THSD4: variants seen among roughly 807,000 people sequenced by gnomAD.
THSD4 encodes thrombospondin type 1 domain containing 4, also known as thrombospondin type-1 domain-containing protein 4.
THSD4 carries 69 observed loss-of-function variants against 119.0 expected under a neutral mutation model. The observed-to-expected ratio is 0.58, with a 90% confidence interval of 0.48 to 0.71. THSD4 has a LOEUF of 0.71. Ranked by LOEUF, THSD4 falls within the 30% of genes least tolerant of loss-of-function variation. The pLI, the probability that THSD4 is intolerant of heterozygous loss-of-function variation, is 0.00. For missense variants in THSD4, 1,393 were observed against 1,391.1 expected (o/e 1.00, Z -0.02); for synonymous variants, 524 against 540.4 (o/e 0.97, Z 0.42).
At chr15:71,473,713 GT>G (rs1436317719) in intron 7 of THSD4, among the ~76,000 whole-genome samples, 1 of 152,102 alleles carries the variant, frequency 6.6e-6, no homozygotes, top group Admixed American at 6.5e-5. Flanking sequence ...CTGTTTTGGG[GT>G]GCTGTTGAAA....
At chr15:71,313,912 C>T (rs1386168674) in intron 6 of THSD4, among the ~76,000 whole-genome samples, 2 of 152,178 alleles carry the variant, frequency 1.3e-5, no homozygotes, top group Admixed American at 1.3e-4. Context: ...AGCATGGGCT[C>T]CTACTAACAA....
intron 7 of THSD4, among the ~76,000 whole-genome samples, chr15:71,612,615 C>G (rs1233054449): frequency 1.3e-5 from 2 of 152,158 alleles, no homozygotes; most frequent in Non-Finnish European, 2.9e-5. Flanking sequence ...GCTGCTTAAA[C>G]TTTTGACACA....
At position 71,442,667 on chromosome 15, in the gene THSD4, T is replaced by TATATAC. The variant is rs1376927827; in HGVS notation, c.1152+30849_1152+30850insCATATA. Reference sequence around the variant, plus strand: ...ATATGTGTGTGTGTGTGTGTATATATATATATATATATATATATATATATA... The same window carrying TATATAC: ...ATATGTGTGTGTGTGTGTGTATATATATATACATATATATATATATATATATATATA... On this transcript the variant is annotated intron_variant, in intron 7 of 17. Coordinates refer to ENST00000261862, the MANE Select transcript of THSD4 (RefSeq NM_024817.3). 1.8e-4 allele frequency among the ~76,000 whole-genome samples: 15 copies of TATATAC among 82,336 alleles called. 1 individual carries two copies. The highest frequency in any genetic ancestry group is 6.7e-4 in the African/African-American group (15 of 22,312). The allele number at this position is 82,336 out of a possible 152,430, so 54.0% of individuals were successfully genotyped here.
intron 6 of THSD4, among the ~76,000 whole-genome samples, chr15:71,336,304 C>G (rs1164141356): frequency 1.3e-5 from 2 of 152,172 alleles, no homozygotes; most frequent in African/African-American, 2.4e-5. Context: ...CATTAATACC[C>G]TTTATTATGA....
intron 7 of THSD4, among the ~76,000 whole-genome samples, chr15:71,589,191 C>T (rs1225797875): frequency 6.6e-6 from 1 of 151,952 alleles, no homozygotes; most frequent in Non-Finnish European, 1.5e-5. Flanking sequence ...GGATTTTGAC[C>T]AGCATGTAAA....
rs189441414 is a variant in THSD4 at position 71,103,989 on chromosome 15, T to C, written c.-80+6983T>C. Among the ~76,000 whole-genome samples, 561 of 152,312 alleles carry C rather than the reference T, an allele frequency of 3.7e-3. 4 individuals carry two copies. The highest frequency in any genetic ancestry group is 6.8e-3 in the Non-Finnish European group (462 of 68,022). ...GATTTAGTGGGACTTTGAATTCTGG[T>C]CTTCTTCCCAAAGCCACCTGCTATG... is the stretch of plus-strand genomic sequence containing the variant. On this transcript the variant is annotated intron_variant, in intron 1 of 17. Coordinates refer to the THSD4 transcript ENST00000355327.
At chr15:71,156,665 C>T (rs28645452) in intron 3 of THSD4, among the ~76,000 whole-genome samples, 7,297 of 152,172 alleles carry the variant, frequency 0.048, 252 homozygotes, top group African/African-American at 0.096. Flanking sequence ...GGGAGCAGTT[C>T]TTTGCGTTCT....
At chr15:71,288,197 A>T (rs1462659731) in intron 6 of THSD4, among the ~76,000 whole-genome samples, 1 of 152,342 alleles carries the variant, frequency 6.6e-6, no homozygotes, top group East Asian at 1.9e-4. Flanking sequence ...GAACCAGTCC[A>T]CAGTAAACAC....
intron 7 of THSD4, among the ~76,000 whole-genome samples, chr15:71,624,907 T>A (rs953221777): frequency 1.3e-5 from 2 of 152,228 alleles, no homozygotes; most frequent in African/African-American, 4.8e-5. Context: ...GGACTTCACC[T>A]CCTAAAGAAT....
At chr15:71,206,314 G>A (rs914813078) in intron 3 of THSD4, among the ~76,000 whole-genome samples, 2 of 152,204 alleles carry the variant, frequency 1.3e-5, no homozygotes, top group East Asian at 1.9e-4. Context: ...GCCCGGCCAC[G>A]TTTGGAGATT....
intron 6 of THSD4, among the ~76,000 whole-genome samples, chr15:71,275,864 C>G (rs1182700263): frequency 6.6e-6 from 1 of 152,172 alleles, no homozygotes; most frequent in Non-Finnish European, 1.5e-5. Flanking sequence ...TGTTTGCTTC[C>G]CCTTCTGCGA....
At chr15:71,200,435 C>T (rs762227483) in intron 3 of THSD4, among the ~76,000 whole-genome samples, 5 of 151,988 alleles carry the variant, frequency 3.3e-5, no homozygotes, top group Non-Finnish European at 5.9e-5. Flanking sequence ...TGGCCGAGGA[C>T]CCTGAAATGC....
intron 7 of THSD4, among the ~76,000 whole-genome samples, chr15:71,630,193 C>G (rs920514312): frequency 6.6e-6 from 1 of 152,134 alleles, no homozygotes; most frequent in Non-Finnish European, 1.5e-5. Flanking sequence ...TTAATCAATG[C>G]TTGCTGTCTT....
In THSD4 at chr15:71,645,685, G is replaced by T. The variant is rs116401921; in HGVS notation, c.1153-14845G>T. On this transcript the variant is annotated intron_variant, in intron 7 of 17. Transcript: ENST00000261862. The stretch of plus-strand genomic sequence containing the variant: ...GTCCCAGGCCCTTGGGTTTGCTTTG[G>T]GGAAAAAAGCTTTTATCACAGCCTT... Among the ~76,000 whole-genome samples the T allele has an allele frequency of 2.0e-3, 299 of 152,232 alleles. 1 individual carries two copies. Among genetic ancestry groups the T allele is most frequent in the African/African-American group, 6.9e-3 (286 of 41,526 alleles).
intron 6 of THSD4, among the ~76,000 whole-genome samples, chr15:71,353,839 C>T (rs1420259893): frequency 6.6e-6 from 1 of 152,184 alleles, no homozygotes; most frequent in Non-Finnish European, 1.5e-5. Context: ...TTCGTGTGAC[C>T]TCTGAGCTTT....
At chr15:71,764,960 C>G (rs1275106347) in intron 15 of THSD4, 60 bp from the exon 16 acceptor site, 1 of 1,553,188 alleles carries the variant, frequency 6.4e-7, no homozygotes, top group Non-Finnish European at 8.7e-7. Flanking sequence ...CCTTGATGGA[C>G]AGTAGCTGCC....
intron 4 of THSD4, among the ~76,000 whole-genome samples, chr15:71,230,692 C>G (rs550378510): frequency 6.6e-6 from 1 of 152,210 alleles, no homozygotes; most frequent in African/African-American, 2.4e-5. Context: ...ATGTTACCAC[C>G]TCTGTCCCTG....
chr15:71,426,397 G>GTTTGTT (rs5813633), intron 7 of THSD4, among the ~76,000 whole-genome samples: 1 of 124,596 alleles, frequency 8.0e-6, no homozygotes, highest in Non-Finnish European at 1.9e-5. Context: ...GTGTGTGTGT[G>GTTTGTT]TGTGTGTGTT....
intron 10 of THSD4, chr15:71,733,453 C>T (rs2053021038): frequency 6.6e-6 from 1 of 152,214 alleles, no homozygotes; most frequent in Non-Finnish European, 1.5e-5. Context: ...TCCATCCTAG[C>T]ATAGAGCCCA....
Sources: allele counts gnomAD v4.1 joint callset (sites outside exome capture counted in the v4.1 genomes callset), GRCh38; gene constraint gnomAD v4.1.1; transcripts MANE v1.5; gene names NCBI Gene and HGNC (gene_info 2026-07-23, HGNC 2026-07-21).